Variants in PINK1 observed in about 807,000 individuals in gnomAD.
PINK1 encodes serine/threonine-protein kinase PINK1, mitochondrial.
PINK1 carries 58 observed loss-of-function variants against 56.0 expected under a neutral mutation model. The ratio of observed to expected loss-of-function variants is 1.04; its 90% CI spans 0.84 to 1.29. The LOEUF is 1.29. Among genes scored for constraint, PINK1 ranks in the 50% most tolerant of loss-of-function variants. The pLI, the probability that PINK1 is intolerant of heterozygous loss-of-function variation, is 0.00. For missense variants in PINK1, 745 were observed against 777.9 expected (o/e 0.96, Z 0.50); for synonymous variants, 354 against 339.3 (o/e 1.04, Z -0.48).
At position 20,645,548 on chromosome 1, in the gene PINK1, C is replaced by T. The variant is rs2053168832; in HGVS notation, c.960-12C>T. On this transcript the variant is annotated splice_polypyrimidine_tract_variant and intron_variant, in intron 4 of 7. Coordinates refer to ENST00000321556, the MANE Select transcript of PINK1 (RefSeq NM_032409.3). Reference sequence around the variant, plus strand: ...TGTGTGGTAGCCAGAGGCCCTCTCCCCTCTCCGCCAGCTATCCCTGTACCC... The same window carrying T: ...TGTGTGGTAGCCAGAGGCCCTCTCCTCTCTCCGCCAGCTATCCCTGTACCC... The T allele has an allele frequency of 6.2e-7, 1 of 1,613,158 alleles. No individual in the cohort carries two copies. The highest frequency in any genetic ancestry group is 1.3e-5 in the African/African-American group (1 of 74,984).
chr1:20,645,487 CAAAAAAA>C, intron 4 of PINK1, 66 bp from the exon 5 acceptor site: 2 of 1,119,632 alleles, frequency 1.8e-6, no homozygotes, highest in Middle Eastern at 3.0e-4. Context: ...GACTCCATCT[CAAAAAAA>C]AAAAAAAAAA....
chr1:20,634,785 G>A (rs2053040084), intron 1 of PINK1, among the ~76,000 whole-genome samples: 2 of 152,150 alleles, frequency 1.3e-5, no homozygotes, highest in South Asian at 2.1e-4. Context: ...TCTTCCTGGG[G>A]GTGTAGAACC....
At chr1:20,643,491 T>C (rs1040239756) in intron 3 of PINK1, among the ~76,000 whole-genome samples, 6 of 152,210 alleles carry the variant, frequency 3.9e-5, no homozygotes, top group Admixed American at 3.9e-4. Context: ...CTTGGAATAA[T>C]GGAGAAAATT....
intron 5 of PINK1, among the ~76,000 whole-genome samples, chr1:20,646,648 AAATT>A (rs56360729): frequency 5.3e-5 from 8 of 151,214 alleles, no homozygotes; most frequent in African/African-American, 1.5e-4. Flanking sequence ...ATCTCAAAAT[AAATT>A]AATTAATTAA....
intron 5 of PINK1, among the ~76,000 whole-genome samples, chr1:20,647,053 AT>A (rs71585775): frequency 0.15 from 13,316 of 91,170 alleles, 524 homozygotes; most frequent in Middle Eastern, 0.27. Context: ...CTAATTTTTG[AT>A]TTTTTTTTTT....
rs1026317111 is a variant in PINK1, at chr1:20,650,788, C to A, written c.*97C>A. ...TGAGGGTGGGAGTCAGGAGACAAGACAGCGCAGAGAGGGCTGGTTAGCCGG... is the reference window on the plus strand; with the variant it reads ...TGAGGGTGGGAGTCAGGAGACAAGAAAGCGCAGAGAGGGCTGGTTAGCCGG... On this transcript the variant is annotated 3_prime_UTR_variant, in exon 8 of 8. Transcript: ENST00000321556. The A allele has an allele frequency of 4.0e-5, 60 of 1,508,650 alleles. No homozygotes were observed. The highest frequency in any genetic ancestry group is 5.0e-5 in the Non-Finnish European group (56 of 1,116,834). 93.5% of individuals were successfully genotyped at this position (1,508,650 alleles called of 1,614,324 possible). A position where few individuals can be genotyped will look rare whatever the true frequency, so the allele number is the denominator to read the frequency against.
chr1:20,636,821 A>C (rs1570399184), intron 1 of PINK1, among the ~76,000 whole-genome samples: 1 of 152,292 alleles, frequency 6.6e-6, no homozygotes, highest in South Asian at 2.1e-4. Flanking sequence ...TGAGCCAGAC[A>C]GAGCAATACT....
intron 4 of PINK1, among the ~76,000 whole-genome samples, chr1:20,645,045 G>A (rs779672471): frequency 1.4e-4 from 22 of 152,254 alleles, no homozygotes; most frequent in South Asian, 4.1e-4. Flanking sequence ...ATAATTATCT[G>A]CACCATTACT....
In PINK1 at chr1:20,633,773, C is replaced by A; in HGVS notation, c.225C>A (p.Ala75=). Residue 75 remains alanine, a synonymous_variant, in exon 1 of 8, where the codon GCC becomes GCA. Transcript: ENST00000321556. The stretch of plus-strand genomic sequence containing the variant: ...TCCGCTTCTTCCGCCAGTCGGTGGC[C>A]GGGCTGGCGGCGCGGTTGCAGCGGC... ...NRLRFFRQSV[A]GLAARLQRQF... is the part of the protein sequence containing the mutation. The A allele has an allele frequency of 6.4e-7, 1 of 1,563,756 alleles. No homozygotes were observed. The highest frequency in any genetic ancestry group is 1.2e-5 in the South Asian group (1 of 86,140).
chr1:20,645,110 G>A (rs1256286424), intron 4 of PINK1, among the ~76,000 whole-genome samples: 3 of 152,170 alleles, frequency 2.0e-5, no homozygotes. Flanking sequence ...GTGAGTGGGA[G>A]GGAACAGAAA....
intron 5 of PINK1, among the ~76,000 whole-genome samples, chr1:20,647,619 C>T (rs759300683): frequency 7.3e-5 from 11 of 151,646 alleles, no homozygotes; most frequent in African/African-American, 1.7e-4. Context: ...TACAGGCACA[C>T]GCCACTACAC....
chr1:20,643,878 A>G (rs1353858408), intron 3 of PINK1, among the ~76,000 whole-genome samples: 1 of 152,228 alleles, frequency 6.6e-6, no homozygotes, highest in African/African-American at 2.4e-5. Flanking sequence ...GAAGCCACAG[A>G]TAGTAACAAA....
chr1:20,638,307 A>G (rs941816732), intron 2 of PINK1, 178 bp downstream of exon 2: 2 of 737,174 alleles, frequency 2.7e-6, no homozygotes, highest in Non-Finnish European at 4.3e-6. Context: ...GAATGTTTGA[A>G]ATTGTATTCT....
intron 7 of PINK1, chr1:20,649,490 C>T (rs1323064100): frequency 6.0e-6 from 3 of 497,286 alleles, no homozygotes; most frequent in Admixed American, 3.3e-5. Context: ...AGAGGCCAGA[C>T]ACGGTGGCTT....
intron 2 of PINK1, chr1:20,639,662 A>C: frequency 1.7e-6 from 1 of 603,620 alleles, no homozygotes; most frequent in Non-Finnish European, 3.0e-6. Context: ...TCTAGGCTGC[A>C]AGAGTTTGAG....
intron 2 of PINK1, 146 bp downstream of exon 2, chr1:20,638,275 T>C: frequency 2.3e-6 from 2 of 882,128 alleles, no homozygotes; most frequent in South Asian, 1.7e-5. Context: ...TACCTCCCCC[T>C]GTTACACAGA....
chr1:20,646,110 A>G (rs201564825), intron 5 of PINK1, among the ~76,000 whole-genome samples: 1 of 150,608 alleles, frequency 6.6e-6, no homozygotes, highest in Non-Finnish European at 1.5e-5. Flanking sequence ...CTTCTCTACA[A>G]AAAAAAAATA....
intron 3 of PINK1, chr1:20,642,803 G>A (rs1303674168): frequency 6.6e-6 from 1 of 152,248 alleles, no homozygotes; most frequent in Non-Finnish European, 1.5e-5. Context: ...AAGTAGCTGG[G>A]TCTGCAGGCA....
intron 3 of PINK1, among the ~76,000 whole-genome samples, chr1:20,643,478 A>G (rs946374340): frequency 5.3e-5 from 8 of 152,264 alleles, no homozygotes; most frequent in African/African-American, 1.9e-4. Context: ...CTACTGTACT[A>G]GACTTGGAAT....
Sources: gnomAD v4.1 joint callset for allele counts (sites outside exome capture counted in the v4.1 genomes callset) on GRCh38, gnomAD v4.1.1 for gene constraint, MANE v1.5 for transcripts, NCBI Gene and HGNC (gene_info 2026-07-23, HGNC 2026-07-21) for gene names.